STARD13: variants seen among roughly 807,000 people sequenced by gnomAD.
The protein encoded by STARD13 is stAR-related lipid transfer protein 13.
A neutral mutation model predicts 106.4 loss-of-function variants in STARD13; 62 were observed. The observed-to-expected ratio is 0.58, with a 90% CI of 0.48 to 0.72. The LOEUF (loss-of-function observed/expected upper bound fraction) is 0.72. Ranked by LOEUF, STARD13 falls within the 30% of genes least tolerant of loss-of-function variation. STARD13 has a pLI of 0.00. For synonymous variants in STARD13, 565 were observed against 553.0 expected (o/e 1.02, Z -0.31); for missense variants, 1,387 against 1,424.0 (o/e 0.97, Z 0.42).
upstream of STARD13, among the ~76,000 whole-genome samples, chr13:33,288,779 A>G (rs952725764): frequency 1.3e-5 from 2 of 152,148 alleles, no homozygotes; most frequent in Non-Finnish European, 2.9e-5. Flanking sequence ...AGTATCTATA[A>G]ATTCATGTAC....
chr13:33,567,028 A>T, the STARD13 span, among the ~76,000 whole-genome samples: 1 of 148,274 alleles, frequency 6.7e-6, no homozygotes, highest in Admixed American at 6.9e-5. Context: ...ATATTCCCAT[A>T]GTGCAATTCC....
At chr13:33,474,810 T>C in the STARD13 span, among the ~76,000 whole-genome samples, 2 of 152,286 alleles carry the variant, frequency 1.3e-5, no homozygotes, top group South Asian at 2.1e-4. Flanking sequence ...TTTACTTTTG[T>C]TGGTTTAATA....
the STARD13 span, among the ~76,000 whole-genome samples, chr13:33,614,730 A>G: frequency 6.6e-6 from 1 of 152,220 alleles, no homozygotes; most frequent in African/African-American, 2.4e-5. Context: ...TCCCAAGTAG[A>G]TCTGGGGGAC....
chr13:33,290,115 C>T (rs1212365502), upstream of STARD13, among the ~76,000 whole-genome samples: 8 of 152,106 alleles, frequency 5.3e-5, no homozygotes, highest in Admixed American at 5.2e-4. Flanking sequence ...ATCTTGTATA[C>T]ACAGGGCAGA....
At chr13:33,332,324 C>T (rs970187463) in intron 1 of STARD13, among the ~76,000 whole-genome samples, 11 of 152,148 alleles carry the variant, frequency 7.2e-5, no homozygotes, top group Admixed American at 6.5e-4. Context: ...TCTTTTGCAA[C>T]GAACTGAATG....
At chr13:33,561,466 C>G in the STARD13 span, among the ~76,000 whole-genome samples, 113 of 151,600 alleles carry the variant, frequency 7.5e-4, 1 homozygote, top group Non-Finnish European at 1.1e-3. Flanking sequence ...AATTGTGTTA[C>G]TTAGAAATGT....
upstream of STARD13, chr13:33,355,063 T>C (rs1297311214): frequency 6.6e-6 from 1 of 152,178 alleles, no homozygotes; most frequent in East Asian, 1.9e-4. Flanking sequence ...TTTTAAAGCT[T>C]TCACAATTTT....
Position 33,106,920 on chromosome 13 carries a change from T to A in STARD13, c.3062A>T (p.Asp1021Val), listed in dbSNP as rs1170737125. ...CAGGGTACACATTCCTTTGGGCAAATCAGTTTTCCAGGTCCTGTAGCAAAA... is the reference window on the plus strand; with the variant it reads ...CAGGGTACACATTCCTTTGGGCAAAACAGTTTTCCAGGTCCTGTAGCAAAA... Reference protein sequence around the residue: ...DFVVLRTWKTDLPKGMCTLVS... With the variant: ...DFVVLRTWKTVLPKGMCTLVS... Residue 1021 changes from aspartate to valine, a missense_variant, in exon 13 of 14, where the codon GAT (aspartate) becomes GTT (valine). Physicochemically the swap from Asp to Val is radical, Grantham distance 152. Coordinates refer to ENST00000336934, the MANE Select transcript of STARD13 (RefSeq NM_178006.4). 6.2e-7 allele frequency: 1 copy of A among 1,612,630 alleles called. No individual in the cohort carries two copies. Among genetic ancestry groups the A allele is most frequent in the Admixed American group, 1.7e-5 (1 of 59,846 alleles).
At chr13:33,425,620 C>T in the STARD13 span, among the ~76,000 whole-genome samples, 2 of 152,118 alleles carry the variant, frequency 1.3e-5, no homozygotes, top group Admixed American at 1.3e-4. Context: ...GAAGGTGTAC[C>T]CTGCATTCTA....
intron 1 of STARD13, among the ~76,000 whole-genome samples, chr13:33,182,508 T>C (rs1282982864): frequency 1.3e-5 from 2 of 152,180 alleles, no homozygotes; most frequent in Non-Finnish European, 2.9e-5. Context: ...TCCAATCTTT[T>C]GGCTTCCCCG....
At position 33,130,162 on chromosome 13, in the gene STARD13, G is replaced by A. The variant is rs752378877; in HGVS notation, c.515C>T (p.Pro172Leu). The change falls in exon 5 of 14, where the codon CCG becomes CTG. Residue 172 changes from proline to leucine, a missense_variant. Pro to Leu is a moderately conservative substitution (Grantham distance 98). Coordinates refer to ENST00000336934, the MANE Select transcript of STARD13 (RefSeq NM_178006.4). This position sits in a 1 kb window ranked among gnomAD's most constrained non-coding sequence, Gnocchi z 4.1. Reference protein sequence around the residue: ...LLPRGDRNGSPGGTGMRNTTS... With the variant: ...LLPRGDRNGSLGGTGMRNTTS... ...CGTGTTCCTCATCCCCGTGCCTCCC[G>A]GTGACCCATTTCTGTCTCCTCGAGG... 4.8e-5 allele frequency: 77 copies of A among 1,613,994 alleles called. No homozygotes were observed. Among genetic ancestry groups the A allele is most frequent in the East Asian group, 3.8e-4 (17 of 44,874 alleles).
At chr13:33,369,046 C>T in the STARD13 span, among the ~76,000 whole-genome samples, 1 of 151,856 alleles carries the variant, frequency 6.6e-6, no homozygotes, top group Admixed American at 6.6e-5. Flanking sequence ...GTGCCTAGTT[C>T]AATTCGAATT....
chr13:33,205,033 A>C (rs1157640035), intron 1 of STARD13, among the ~76,000 whole-genome samples: 5 of 152,250 alleles, frequency 3.3e-5, no homozygotes, highest in African/African-American at 7.2e-5. Flanking sequence ...ATAGAATCTT[A>C]TCATTCTCAA....
At chr13:33,467,766 C>T in the STARD13 span, among the ~76,000 whole-genome samples, 1 of 152,130 alleles carries the variant, frequency 6.6e-6, no homozygotes, top group Non-Finnish European at 1.5e-5. Context: ...TTCATGATGT[C>T]ATTATTATCT....
At chr13:33,338,458 A>T (rs1429321824) in intron 1 of STARD13, among the ~76,000 whole-genome samples, 6 of 152,190 alleles carry the variant, frequency 3.9e-5, no homozygotes, top group Non-Finnish European at 8.8e-5. Context: ...TGATGAAATC[A>T]TAGTTGACAG....
intron 4 of STARD13, among the ~76,000 whole-genome samples, chr13:33,133,036 C>T (rs954320840): frequency 6.6e-6 from 1 of 151,948 alleles, no homozygotes; most frequent in African/African-American, 2.4e-5. Flanking sequence ...TATGAAAAAG[C>T]CCTTTTAGCA....
intron 4 of STARD13, among the ~76,000 whole-genome samples, chr13:33,138,251 G>A (rs186683018): frequency 1.3e-5 from 2 of 152,250 alleles, no homozygotes; most frequent in African/African-American, 4.8e-5. Context: ...ACTTTGAATA[G>A]AAGCTGAATC....
chr13:33,609,085 C>CA, the STARD13 span, among the ~76,000 whole-genome samples: 4,587 of 49,712 alleles, frequency 0.092, 329 homozygotes, highest in African/African-American at 0.16. Flanking sequence ...GACTCCGTCT[C>CA]AAAAAAAAAA....
At chr13:33,121,587 T>C (rs940108564) in intron 7 of STARD13, among the ~76,000 whole-genome samples, 4 of 151,422 alleles carry the variant, frequency 2.6e-5, no homozygotes, top group Non-Finnish European at 5.9e-5. Flanking sequence ...AAAAAAAAGT[T>C]TCCAAAGCAA....
Sources: gnomAD v4.1 joint callset for allele counts (sites outside exome capture counted in the v4.1 genomes callset) on GRCh38, gnomAD v4.1.1 for gene constraint, Gnocchi (gnomAD v3.1) non-coding constraint, MANE v1.5 for transcripts, NCBI Gene and HGNC (gene_info 2026-07-23, HGNC 2026-07-21) for gene names.